Variants in RPS6KC1 observed in about 807,000 individuals in gnomAD.
RPS6KC1 encodes the protein inactive ribosomal protein S6 kinase delta-1.
A neutral mutation model predicts 103.8 loss-of-function variants in RPS6KC1; 54 were observed. That is an observed-to-expected ratio of 0.52 (90% CI 0.42 to 0.65). RPS6KC1 has a LOEUF of 0.65. Ranked by LOEUF, RPS6KC1 falls within the 30% of genes least tolerant of loss-of-function variation. RPS6KC1 has a pLI of 0.00. For synonymous variants in RPS6KC1, 439 were observed against 438.7 expected, an observed-to-expected ratio of 1.00 and a Z score of -0.01; for missense variants, 1,151 against 1,253.8, an observed-to-expected ratio of 0.92 and a Z score of 1.24.
the RPS6KC1 span, among the ~76,000 whole-genome samples, chr1:213,430,083 G>A: frequency 3.3e-5 from 5 of 152,166 alleles, no homozygotes; most frequent in South Asian, 2.1e-4. Context: ...GTGAGCCTTC[G>A]CAGTCACCTA....
the RPS6KC1 span, among the ~76,000 whole-genome samples, chr1:213,343,389 GTGTATA>G: frequency 1.3e-3 from 85 of 65,854 alleles, 2 homozygotes; most frequent in African/African-American, 6.1e-3. Flanking sequence ...TCAGTGTTGT[GTGTATA>G]TATATATATA....
the RPS6KC1 span, among the ~76,000 whole-genome samples, chr1:213,502,126 C>T: frequency 3.9e-5 from 6 of 152,134 alleles, no homozygotes; most frequent in Admixed American, 1.3e-4. Context: ...TAAAAAATTC[C>T]CAGATTATTT....
At chr1:213,331,290 G>A in the RPS6KC1 span, among the ~76,000 whole-genome samples, 1 of 152,162 alleles carries the variant, frequency 6.6e-6, no homozygotes, top group African/African-American at 2.4e-5. Flanking sequence ...CAACAACATT[G>A]GGTGCCCACT....
the RPS6KC1 span, among the ~76,000 whole-genome samples, chr1:213,788,009 C>T: frequency 6.6e-6 from 1 of 152,176 alleles, no homozygotes; most frequent in Admixed American, 6.5e-5. Context: ...GAATGCTTCA[C>T]ATTCTGCATT....
chr1:213,244,156 A>T (rs2094413678), intron 12 of RPS6KC1, among the ~76,000 whole-genome samples: 1 of 151,988 alleles, frequency 6.6e-6, no homozygotes, highest in Non-Finnish European at 1.5e-5. Context: ...TAAATAGGAT[A>T]AAAAATTGCA....
the RPS6KC1 span, among the ~76,000 whole-genome samples, chr1:213,405,203 T>C: frequency 1.8e-4 from 27 of 152,214 alleles, no homozygotes; most frequent in African/African-American, 5.3e-4. Flanking sequence ...GGCTACCCAT[T>C]TGGGCACTAG....
At position 213,242,625 on chromosome 1, in the gene RPS6KC1, A is replaced by G; in HGVS notation, c.2878A>G (p.Ser960Gly). The change falls in exon 12 of 15, where the codon AGC becomes GGC. Residue 960 changes from serine to glycine, a missense_variant. Ser to Gly is a moderately conservative substitution (Grantham distance 56, BLOSUM62 0). This residue lies in a region of RPS6KC1 where 189 missense variants were observed against 228.8 expected (regional missense o/e 0.83). Coordinates refer to ENST00000366960, the MANE Select transcript of RPS6KC1 (RefSeq NM_012424.6). ...GAGTGAGGTTGAAGATTCCTGTGAC[A>G]GCGATGCCATAGAGAGAATGTACTG... ...RWSEVEDSCDSDAIERMYCAP... is the reference protein window; with the variant it reads ...RWSEVEDSCDGDAIERMYCAP... 6.2e-7 allele frequency: 1 copy of G among 1,613,050 alleles called. No individual in the cohort carries two copies. Among genetic ancestry groups the G allele is most frequent in the Non-Finnish European group, 8.5e-7 (1 of 1,179,414 alleles).
At chr1:213,729,551 G>C in the RPS6KC1 span, among the ~76,000 whole-genome samples, 931 of 152,152 alleles carry the variant, frequency 6.1e-3, 44 homozygotes, top group East Asian at 0.12. Context: ...AAAGGATCGG[G>C]GGGAGGGAAA....
chr1:213,322,688 G>C, the RPS6KC1 span, among the ~76,000 whole-genome samples: 4 of 152,078 alleles, frequency 2.6e-5, no homozygotes, highest in African/African-American at 4.8e-5. Context: ...ACTTTCCAAA[G>C]ACTGCCAGAA....
chr1:213,129,965 T>A lies in RPS6KC1; in HGVS notation c.835+76T>A. 7 of 1,334,400 alleles carry A rather than the reference T, an allele frequency of 5.2e-6. No individual in the cohort carries two copies. The South Asian group carries it at 1.0e-4, about 19-fold the overall frequency. The allele number at this position is 1,334,400 out of a possible 1,614,324, so 82.7% of individuals were successfully genotyped here. On this transcript the variant is annotated intron_variant, in intron 6 of 14. Coordinates refer to ENST00000366960, the MANE Select transcript of RPS6KC1 (RefSeq NM_012424.6). The stretch of plus-strand genomic sequence containing the variant: ...GGAAAAAAAAGTACATACATATATC[T>A]TCTGTATAGTCTTATGGAAATAATA...
intron 6 of RPS6KC1, among the ~76,000 whole-genome samples, chr1:213,146,742 A>G (rs2087889911): frequency 6.6e-6 from 1 of 151,268 alleles, no homozygotes; most frequent in South Asian, 2.1e-4. Flanking sequence ...TGCAATTTTT[A>G]TTTTTTTTGA....
the RPS6KC1 span, among the ~76,000 whole-genome samples, chr1:213,421,363 T>G: frequency 1.3e-5 from 2 of 152,232 alleles, no homozygotes; most frequent in Non-Finnish European, 2.9e-5. Flanking sequence ...TCCACCCACC[T>G]TGGCCTCCCA....
At chr1:213,710,091 G>T in the RPS6KC1 span, among the ~76,000 whole-genome samples, 5 of 151,976 alleles carry the variant, frequency 3.3e-5, no homozygotes, top group Non-Finnish European at 5.9e-5. Flanking sequence ...TTTCTGTCTT[G>T]TTGATCTAAT....
the RPS6KC1 span, among the ~76,000 whole-genome samples, chr1:213,811,180 A>G: frequency 1.3e-5 from 2 of 152,206 alleles, no homozygotes; most frequent in African/African-American, 4.8e-5. Context: ...CTTTTGCTAG[A>G]ATGAGGCAAT....
the RPS6KC1 span, among the ~76,000 whole-genome samples, chr1:213,591,999 G>A: frequency 2.1e-4 from 32 of 152,158 alleles, no homozygotes; most frequent in Admixed American, 6.5e-4. Context: ...ATTTCCAAAG[G>A]GGGTTAAGAG....
At chr1:213,275,029 TG>T (rs777295663), downstream of RPS6KC1, among the ~76,000 whole-genome samples, 4 of 152,244 alleles carry the variant, frequency 2.6e-5, no homozygotes, top group Non-Finnish European at 5.9e-5. Flanking sequence ...TGACTGTGAC[TG>T]TTCTAAGTAC....
chr1:213,386,898 C>T, the RPS6KC1 span, among the ~76,000 whole-genome samples: 17 of 152,188 alleles, frequency 1.1e-4, no homozygotes, highest in Non-Finnish European at 2.2e-4. Flanking sequence ...TTTTTTTAAA[C>T]CATCTCCATA....
chr1:213,151,819 C>G (rs1281115746), intron 6 of RPS6KC1, among the ~76,000 whole-genome samples: 1 of 124,024 alleles, frequency 8.1e-6, no homozygotes, highest in South Asian at 2.6e-4. Context: ...GGCAGCTGGC[C>G]GGGCGAGGGG....
chr1:213,617,351 T>C, the RPS6KC1 span, among the ~76,000 whole-genome samples: 1 of 152,140 alleles, frequency 6.6e-6, no homozygotes, highest in African/African-American at 2.4e-5. Flanking sequence ...GCCAAATGTA[T>C]GTAACTGACA....
Sources: allele counts gnomAD v4.1 joint callset (sites outside exome capture counted in the v4.1 genomes callset), GRCh38; gene constraint gnomAD v4.1.1; regional missense constraint gnomAD v4.1.1; transcripts MANE v1.5; gene names NCBI Gene and HGNC (gene_info 2026-07-23, HGNC 2026-07-21).